The following CELF1 variants were observed in gnomAD, a reference collection of about 807,000 sequenced individuals.
The protein encoded by CELF1 is 50 kDa nuclear polyadenylated RNA-binding protein.
In CELF1, 10 loss-of-function variants were observed where a neutral mutation model predicts 61.8. The observed-to-expected ratio is 0.16, with a 90% CI of 0.10 to 0.27. The LOEUF (loss-of-function observed/expected upper bound fraction) is 0.27. CELF1 is among the 10% of genes least tolerant of loss of function. The probability of loss-of-function intolerance (pLI) is 1.00; values close to 1 mark genes in which losing one functional copy is unlikely to be tolerated. For missense variants in CELF1, 380 were observed against 639.1 expected (o/e 0.59, Z 4.37); for synonymous variants, 236 against 225.1 (o/e 1.05, Z -0.43).
At chr11:47,564,171 C>CAAA (rs779009192) in intron 2 of CELF1, among the ~76,000 whole-genome samples, 172 of 62,926 alleles carry the variant, frequency 2.7e-3, no homozygotes, top group African/African-American at 5.6e-3. Flanking sequence ...ACTAAAAATA[C>CAAA]AAAAAAAAAA....
chr11:47,511,820 T>C (rs1048845139), intron 1 of CELF1, among the ~76,000 whole-genome samples: 2 of 151,930 alleles, frequency 1.3e-5, no homozygotes, highest in Non-Finnish European at 2.9e-5. Flanking sequence ...CCACAGAAAG[T>C]CTGTTTAAAT....
rs376649255 is a variant in CELF1 at position 47,483,463 on chromosome 11, T to C, written c.596A>G (p.Gln199Arg). 7 of 1,613,814 alleles carry C rather than the reference T, an allele frequency of 4.3e-6. No individual in the cohort carries two copies. In the African/African-American group the frequency reaches 6.7e-5, roughly 15 times the overall value. Residue 199 changes from glutamine (Q) to arginine (R), a missense_variant, in exon 8 of 15, where the codon CAG (glutamine) becomes CGG (arginine). Transcript: ENST00000687097. ...QTAIKAMHQA[Q>R]TMEGCSSPMV... ...CTATCTGCTCCCTACCTCCATGGTC[T>C]GTGCTTGGTGCATTGCCTTGATAGC...
rs2077272952 is a variant in CELF1 at position 47,469,721 on chromosome 11, G to A, written c.*2509C>T. 1 of 152,276 alleles carries A rather than the reference G, an allele frequency of 6.6e-6. No individual in the cohort carries two copies. Among genetic ancestry groups the A allele is most frequent in the Non-Finnish European group, 1.5e-5 (1 of 68,106 alleles). The allele number at this position is 152,276 out of a possible 1,614,324, so 9.4% of individuals were successfully genotyped here. A position where few individuals can be genotyped will look rare whatever the true frequency, so the allele number is the denominator to read the frequency against. On this transcript the variant is annotated 3_prime_UTR_variant, in exon 15 of 15. Coordinates refer to ENST00000687097, the MANE Select transcript of CELF1 (RefSeq NM_001376376.1). ...TCAAGCAGCCCAGGACCCTGCTGGG[G>A]CGAGCATTCCTTTTAGAAAAGAAAA...
intron 1 of CELF1, among the ~76,000 whole-genome samples, chr11:47,510,035 C>G (rs1184359398): frequency 6.6e-6 from 1 of 151,784 alleles, no homozygotes; most frequent in Non-Finnish European, 1.5e-5. Flanking sequence ...GCATTCCAGC[C>G]TGGGCAACAG....
At chr11:47,495,493 A>G (rs1355268211) in intron 3 of CELF1, among the ~76,000 whole-genome samples, 1 of 152,180 alleles carries the variant, frequency 6.6e-6, no homozygotes, top group Non-Finnish European at 1.5e-5. Flanking sequence ...TGGTTACACA[A>G]CTCTGGAATA....
rs1234776382 is a variant in CELF1, at chr11:47,553,078, C to A, written c.-240G>T. On this transcript the variant is annotated 5_prime_UTR_variant, in exon 1 of 15. Coordinates refer to ENST00000687097, the MANE Select transcript of CELF1 (RefSeq NM_001376376.1). ...CGCCGCCTCGCTGCTGAGGCCGAATCCCGGGGGAGCCTCCGCGTCCCGCCG... is the reference window on the plus strand; with the variant it reads ...CGCCGCCTCGCTGCTGAGGCCGAATACCGGGGGAGCCTCCGCGTCCCGCCG... 7.5e-6 allele frequency: 3 copies of A among 399,926 alleles called. No homozygotes were observed. The highest frequency in any genetic ancestry group is 2.1e-5 in the African/African-American group (1 of 48,538). The allele number at this position is 399,926 out of a possible 1,614,324, so 24.8% of individuals were successfully genotyped here. A position where few individuals can be genotyped will look rare whatever the true frequency, so the allele number is the denominator to read the frequency against.
At chr11:47,546,201 A>G (rs1028139814) in intron 1 of CELF1, among the ~76,000 whole-genome samples, 3 of 146,626 alleles carry the variant, frequency 2.0e-5, no homozygotes, top group Non-Finnish European at 3.0e-5. Context: ...AATAGGAGAA[A>G]GGCCTTTCAT....
At chr11:47,504,303 T>C (rs1229906155) in intron 1 of CELF1, among the ~76,000 whole-genome samples, 1 of 151,694 alleles carries the variant, frequency 6.6e-6, no homozygotes, top group African/African-American at 2.4e-5. Context: ...AGAATTTTTC[T>C]GGCTGGGCAC....
At chr11:47,554,959 C>T (rs924310565), upstream of CELF1, among the ~76,000 whole-genome samples, 7 of 152,108 alleles carry the variant, frequency 4.6e-5, no homozygotes, top group African/African-American at 1.2e-4. Flanking sequence ...CCACTGCACC[C>T]GGCCTCACAG....
At chr11:47,555,365 TG>T (rs2097202819), upstream of CELF1, among the ~76,000 whole-genome samples, 2 of 22,332 alleles carry the variant, frequency 9.0e-5, no homozygotes, top group African/African-American at 3.4e-4. Context: ...TGCTTTTCAC[TG>T]TATCTAACTC....
Position 47,499,455 on chromosome 11 carries a change from G to A in CELF1, c.69C>T (p.Pro23=), listed in dbSNP as rs369642872. 3,166 of 1,534,762 alleles carry A rather than the reference G, an allele frequency of 2.1e-3. 6 individuals carry two copies. The highest frequency in any genetic ancestry group is 9.0e-3 in the Middle Eastern group (54 of 5,990). Residue 23 remains proline, a splice_region_variant and synonymous_variant, in exon 3 of 15, where the codon CCC becomes CCT. Transcript: ENST00000687097. ...AATTAGACAACAAAAATACTTACAC[G>A]GGACTGGAATTCAAAGAGCAATGAT... ...MVDHCSLNSS[P]VSKKMNGTLD...
Position 47,484,528 on chromosome 11 carries a change from G to A in CELF1, c.392-5C>T, listed in dbSNP as rs765864063. 2.1e-4 allele frequency: 335 copies of A among 1,604,228 alleles called. 2 individuals carry two copies. Among genetic ancestry groups the A allele is most frequent in the Non-Finnish European group, 5.9e-5 (69 of 1,177,142 alleles). ...ACAGCTTCCTGTCTTCCACTGCTAA[G>A]AGAGTAAAACAGAAAAGACTTGAAT... is the stretch of plus-strand genomic sequence containing the variant. On this transcript the variant is annotated splice_region_variant and splice_polypyrimidine_tract_variant and intron_variant, in intron 6 of 14. Transcript: ENST00000687097.
In CELF1 at chr11:47,468,276, AAAGGGG is replaced by A. The variant is rs2077011522; in HGVS notation, c.*3948_*3953del. 1 of 152,254 alleles carries A rather than the reference AAAGGGG, an allele frequency of 6.6e-6. No individual in the cohort carries two copies. Among genetic ancestry groups the A allele is most frequent in the African/African-American group, 2.4e-5 (1 of 41,422 alleles). 9.4% of individuals were successfully genotyped at this position (152,254 alleles called of 1,614,324 possible). ...AAAGTGCAGCCTGCGGTCAAAAAGG[AAAGGGG>A]GTTCAGGTGCTCTCCGCAGTTGAGA... On this transcript the variant is annotated 3_prime_UTR_variant, in exon 15 of 15. Transcript: ENST00000687097.
chr11:47,533,842 T>A (rs77887556), intron 1 of CELF1, among the ~76,000 whole-genome samples: 2,264 of 147,822 alleles, frequency 0.015, 51 homozygotes, highest in African/African-American at 0.047. Flanking sequence ...GGAATATTTA[T>A]AACTATTTTA....
At chr11:47,545,664 A>G (rs1309003234) in intron 1 of CELF1, among the ~76,000 whole-genome samples, 5 of 151,996 alleles carry the variant, frequency 3.3e-5, no homozygotes, top group Non-Finnish European at 1.5e-5. Flanking sequence ...TTTTAGTAGA[A>G]AAGTTTTACA....
At chr11:47,536,727 C>T (rs559675234) in intron 1 of CELF1, among the ~76,000 whole-genome samples, 3 of 152,146 alleles carry the variant, frequency 2.0e-5, no homozygotes, top group Non-Finnish European at 4.4e-5. Context: ...CACTGCACTC[C>T]AGCCTGCGTG....
intron 1 of CELF1, among the ~76,000 whole-genome samples, chr11:47,522,520 A>AAAC (rs1187330890): frequency 4.8e-5 from 7 of 144,430 alleles, no homozygotes; most frequent in African/African-American, 1.8e-4. Flanking sequence ...ATTCTGTCTA[A>AAAC]AACAACAACA....
exon 1 of CELF1, chr11:47,565,487 G>A (rs1339441355): frequency 1.3e-6 from 1 of 792,596 alleles, no homozygotes; most frequent in Non-Finnish European, 1.7e-6. Flanking sequence ...GTCCAGGCCA[G>A]TCCCCGCCGT....
chr11:47,547,782 A>G (rs868258846), intron 1 of CELF1, among the ~76,000 whole-genome samples: 25 of 152,188 alleles, frequency 1.6e-4, no homozygotes, highest in Non-Finnish European at 2.5e-4. Flanking sequence ...ACAAAAAGCC[A>G]AGTATTACAT....
Sources: gnomAD v4.1 joint callset for allele counts (sites outside exome capture counted in the v4.1 genomes callset) on GRCh38, gnomAD v4.1.1 for gene constraint, MANE v1.5 for transcripts, NCBI Gene and HGNC (gene_info 2026-07-23, HGNC 2026-07-21) for gene names.